The following TMOD3 variants were observed in gnomAD, a reference collection of about 807,000 sequenced individuals.
TMOD3 encodes tropomodulin-3.
A neutral mutation model predicts 39.2 loss-of-function variants in TMOD3; 20 were observed. That is an observed-to-expected ratio of 0.51 (90% confidence interval 0.36 to 0.74). The LOEUF is 0.74. Ranked by LOEUF, TMOD3 falls within the 30% of genes least tolerant of loss-of-function variation. The pLI, the probability that TMOD3 is intolerant of heterozygous loss-of-function variation, is 0.00. For missense variants in TMOD3, 381 were observed against 412.8 expected (o/e 0.92, Z 0.67); for synonymous variants, 143 against 145.8 (o/e 0.98, Z 0.14).
intron 1 of TMOD3, among the ~76,000 whole-genome samples, chr15:51,837,801 C>T (rs1192389527): frequency 6.6e-6 from 1 of 152,104 alleles, no homozygotes; most frequent in African/African-American, 2.4e-5. Flanking sequence ...GCCAGCATTC[C>T]AAGTGATATA....
intron 2 of TMOD3, among the ~76,000 whole-genome samples, chr15:51,863,352 A>G (rs75819523): frequency 0.015 from 2,309 of 152,334 alleles, 65 homozygotes; most frequent in East Asian, 0.075. Flanking sequence ...CTGTCTCTTC[A>G]GAGCTTCTAT....
chr15:51,873,919 C>A (rs1226042018), intron 3 of TMOD3, among the ~76,000 whole-genome samples: 1 of 152,088 alleles, frequency 6.6e-6, no homozygotes, highest in Non-Finnish European at 1.5e-5. Context: ...CTGCACCTGG[C>A]CGACTGCTTA....
At chr15:51,893,751 C>A (rs973913445) in intron 5 of TMOD3, 64 bp from the exon 6 acceptor site, 1 of 1,382,106 alleles carries the variant, frequency 7.2e-7, no homozygotes, top group East Asian at 2.7e-5. Context: ...GGCGAAAGTG[C>A]GAGACTCCGT....
At chr15:51,890,766 C>T (rs1169640404) in intron 5 of TMOD3, among the ~76,000 whole-genome samples, 8 of 152,212 alleles carry the variant, frequency 5.3e-5, no homozygotes, top group African/African-American at 1.4e-4. Flanking sequence ...TTCCTTTCTA[C>T]GATGTTTTGT....
At chr15:51,831,698 CCTT>C (rs1032046590) in intron 1 of TMOD3, among the ~76,000 whole-genome samples, 10 of 151,848 alleles carry the variant, frequency 6.6e-5, no homozygotes, top group Admixed American at 2.6e-4. Flanking sequence ...AAGTTTTTCT[CCTT>C]CTTTCCTTTT....
rs183895000 is a variant in TMOD3, at chr15:51,873,008, A to C, written c.283+3635A>C. Reference sequence around the variant, plus strand: ...AAGGAGGGCAAATTCCTCTTCAACAATCAAGCAACTTTGGCTGTAAAGCTC... The same window carrying C: ...AAGGAGGGCAAATTCCTCTTCAACACTCAAGCAACTTTGGCTGTAAAGCTC... On this transcript the variant is annotated intron_variant, in intron 3 of 9. Transcript: ENST00000308580. 2.0e-5 allele frequency among the ~76,000 whole-genome samples: 3 copies of C among 152,332 alleles called. No homozygotes were observed. The East Asian group carries it at 5.8e-4, about 29-fold the overall frequency.
At chr15:51,908,163 C>T (rs1404977581) in intron 9 of TMOD3, among the ~76,000 whole-genome samples, 3 of 152,210 alleles carry the variant, frequency 2.0e-5, no homozygotes, top group Non-Finnish European at 4.4e-5. Flanking sequence ...ATCAGGAGAG[C>T]ATGCAAATAG....
At chr15:51,905,700 C>T (rs923888811) in intron 9 of TMOD3, among the ~76,000 whole-genome samples, 8 of 152,062 alleles carry the variant, frequency 5.3e-5, no homozygotes, top group Non-Finnish European at 8.8e-5. Context: ...TTAGGACATT[C>T]GCAATTAACT....
chr15:51,884,867 G>A (rs1013853913), intron 3 of TMOD3, among the ~76,000 whole-genome samples: 5 of 152,198 alleles, frequency 3.3e-5, no homozygotes, highest in African/African-American at 1.2e-4. Context: ...CCACCTTCCT[G>A]TGGGCTTATT....
At chr15:51,875,838 G>A (rs1481577982) in intron 3 of TMOD3, among the ~76,000 whole-genome samples, 4 of 151,644 alleles carry the variant, frequency 2.6e-5, no homozygotes, top group East Asian at 1.9e-4. Context: ...CAGGATGTTC[G>A]CCATCTCCTG....
At chr15:51,831,479 G>T (rs992288746) in intron 1 of TMOD3, among the ~76,000 whole-genome samples, 11 of 152,188 alleles carry the variant, frequency 7.2e-5, no homozygotes, top group Admixed American at 1.3e-4. Context: ...TCCAAAGTCT[G>T]TATGTCTGAT....
intron 3 of TMOD3, chr15:51,884,518 T>C (rs1432086684): frequency 2.0e-5 from 3 of 152,124 alleles, no homozygotes; most frequent in African/African-American, 7.2e-5. Context: ...AGAGGAAAAA[T>C]CTGCAGGGCA....
At chr15:51,886,925 A>G (rs542887385) in intron 3 of TMOD3, among the ~76,000 whole-genome samples, 4 of 152,260 alleles carry the variant, frequency 2.6e-5, no homozygotes, top group South Asian at 2.1e-4. Flanking sequence ...TTGCTTAATA[A>G]TAAGAAATTG....
rs1295908937 is a variant in TMOD3 at position 51,893,911 on chromosome 15, C to T, written c.593C>T (p.Ala198Val). 32 of 1,607,162 alleles carry T rather than the reference C, an allele frequency of 2.0e-5. No individual in the cohort carries two copies. The highest frequency in any genetic ancestry group is 2.6e-5 in the Non-Finnish European group (31 of 1,175,740). Residue 198 changes from alanine (A) to valine (V), a missense_variant, in exon 6 of 10, where the codon GCT becomes GTT. Coordinates refer to ENST00000308580, the MANE Select transcript of TMOD3 (RefSeq NM_014547.5). Reference sequence around the variant, plus strand: ...TTGAAGAGAACTAAAGAAAACGATGCTCATCTTGTTGAAGTTAATTTGAAT... The same window carrying T: ...TTGAAGAGAACTAAAGAAAACGATGTTCATCTTGTTGAAGTTAATTTGAAT... ...ESLKRTKEND[A>V]HLVEVNLNNI...
chr15:51,859,663 T>C (rs534941873), intron 1 of TMOD3: 10 of 494,908 alleles, frequency 2.0e-5, no homozygotes, highest in Non-Finnish European at 3.6e-5. Flanking sequence ...TCCACAATGG[T>C]AGACAAACCT....
chr15:51,836,399 A>G (rs1241534468), intron 1 of TMOD3, among the ~76,000 whole-genome samples: 2 of 152,162 alleles, frequency 1.3e-5, no homozygotes, highest in Non-Finnish European at 2.9e-5. Flanking sequence ...ATGGAATCAT[A>G]TAATATGTCA....
intron 1 of TMOD3, among the ~76,000 whole-genome samples, chr15:51,854,227 A>G (rs1443569336): frequency 6.6e-6 from 1 of 152,230 alleles, no homozygotes; most frequent in Non-Finnish European, 1.5e-5. Context: ...CTCTGTTGCA[A>G]TCACTCAGCT....
chr15:51,868,023 G>A (rs1326816834), intron 2 of TMOD3, among the ~76,000 whole-genome samples: 2 of 152,200 alleles, frequency 1.3e-5, no homozygotes, highest in Admixed American at 6.5e-5. Context: ...TGGGGCATGT[G>A]AAACAATGAT....
At chr15:51,905,836 C>T (rs866012723) in intron 9 of TMOD3, among the ~76,000 whole-genome samples, 4 of 150,436 alleles carry the variant, frequency 2.7e-5, no homozygotes, top group Admixed American at 6.6e-5. Flanking sequence ...CCCAGCTACT[C>T]GGGAGGCTGA....
Sources: allele counts gnomAD v4.1 joint callset (sites outside exome capture counted in the v4.1 genomes callset), GRCh38; gene constraint gnomAD v4.1.1; transcripts MANE v1.5; gene names NCBI Gene and HGNC (gene_info 2026-07-23, HGNC 2026-07-21).